Variants in MGAT4C observed in about 807,000 individuals in gnomAD.
MGAT4C encodes MGAT4 family member C, also known as alpha-1,3-mannosyl-glycoprotein 4-beta-N-acetylglucosaminyltransferase C.
Under a neutral mutation model 40.1 loss-of-function variants are expected in MGAT4C, and 19 were observed. The ratio of observed to expected loss-of-function variants is 0.47; its 90% CI spans 0.33 to 0.70. The LOEUF is 0.70. Ranked by LOEUF, MGAT4C falls within the 30% of genes least tolerant of loss-of-function variation. MGAT4C has a pLI of 0.02. For missense variants in MGAT4C, 491 were observed against 563.2 expected, an observed-to-expected ratio of 0.87 and a Z score of 1.30; for synonymous variants, 181 against 187.1, an observed-to-expected ratio of 0.97 and a Z score of 0.27.
At chr12:86,109,036 T>C (rs1353532410) in intron 1 of MGAT4C, among the ~76,000 whole-genome samples, 1 of 152,154 alleles carries the variant, frequency 6.6e-6, no homozygotes, top group Non-Finnish European at 1.5e-5. Context: ...ATTATCTGAC[T>C]CCTGAAGGGA....
intron 2 of MGAT4C, among the ~76,000 whole-genome samples, chr12:86,456,235 G>GTCATCA (rs953809567): frequency 1.3e-5 from 2 of 151,676 alleles, no homozygotes; most frequent in African/African-American, 4.8e-5. Context: ...TAACATCGTC[G>GTCATCA]TCATCATCAT....
chr12:86,204,022 A>G (rs921775472), intron 1 of MGAT4C, among the ~76,000 whole-genome samples: 4 of 150,228 alleles, frequency 2.7e-5, no homozygotes, highest in Non-Finnish European at 4.4e-5. Context: ...AGAGTAAACA[A>G]TGATAAAGAA....
intron 2 of MGAT4C, among the ~76,000 whole-genome samples, chr12:86,506,521 G>A (rs1196379123): frequency 2.6e-5 from 4 of 152,104 alleles, no homozygotes; most frequent in Non-Finnish European, 4.4e-5. Flanking sequence ...ATTTATTTAG[G>A]AAAGAGAAAG....
In MGAT4C at chr12:86,012,196, C is replaced by T. The variant is rs139344015; in HGVS notation, c.-6-22644G>A. ...ATTTGCTTGCTAACGGCATATCCCA[C>T]GATACTTTTTATTTCTGTTACACCC... On this transcript the variant is annotated intron_variant, in intron 2 of 4. Coordinates refer to ENST00000611864, the MANE Select transcript of MGAT4C (RefSeq NM_001351288.2). Among the ~76,000 whole-genome samples, 67 of 152,240 alleles carry T rather than the reference C, an allele frequency of 4.4e-4. 1 individual carries two copies. Among genetic ancestry groups the T allele is most frequent in the African/African-American group, 1.5e-3 (62 of 41,526 alleles).
At chr12:86,487,593 G>A (rs1305664391) in intron 2 of MGAT4C, among the ~76,000 whole-genome samples, 1 of 152,144 alleles carries the variant, frequency 6.6e-6, no homozygotes, top group African/African-American at 2.4e-5. Context: ...TTTGACAAAT[G>A]TCTGAAGATT....
Position 86,028,142 on chromosome 12 carries a change from C to G in MGAT4C, c.-7+21532G>C, listed in dbSNP as rs543297194. 356 of 1,288,560 alleles carry G rather than the reference C, an allele frequency of 2.8e-4. 6 individuals carry two copies. The South Asian group carries it at 3.1e-3, about 11-fold the overall frequency. The allele number at this position is 1,288,560 out of a possible 1,614,324, so 79.8% of individuals were successfully genotyped here. Reference sequence around the variant, plus strand: ...GATCCCTTTGCCACACTCCTCTGCACAGTCTTTCTTACAACAAATCTGACC... The same window carrying G: ...GATCCCTTTGCCACACTCCTCTGCAGAGTCTTTCTTACAACAAATCTGACC... On this transcript the variant is annotated intron_variant, in intron 2 of 4. Transcript: ENST00000611864.
At chr12:86,043,667 A>AAATCCTTC (rs1368043380) in intron 2 of MGAT4C, among the ~76,000 whole-genome samples, 1 of 152,220 alleles carries the variant, frequency 6.6e-6, no homozygotes, top group Non-Finnish European at 1.5e-5. Context: ...TCCTTCAATC[A>AAATCCTTC]AATCAAGTTG....
At chr12:86,616,018 A>C (rs1273420558) in intron 2 of MGAT4C, among the ~76,000 whole-genome samples, 1 of 152,132 alleles carries the variant, frequency 6.6e-6, no homozygotes, top group Non-Finnish European at 1.5e-5. Flanking sequence ...ATGTCTACAA[A>C]ATTCTAGTCA....
intron 1 of MGAT4C, among the ~76,000 whole-genome samples, chr12:86,196,331 C>T (rs1000564507): frequency 1.3e-5 from 2 of 152,226 alleles, no homozygotes; most frequent in African/African-American, 2.4e-5. Flanking sequence ...TGATGCGCTG[C>T]CTTTTGGGTC....
intron 2 of MGAT4C, among the ~76,000 whole-genome samples, chr12:86,517,731 C>T (rs1252734308): frequency 2.0e-5 from 3 of 152,112 alleles, no homozygotes; most frequent in South Asian, 2.1e-4. Flanking sequence ...CTGCAAGTTC[C>T]GCCTCCCGGG....
At chr12:86,172,031 C>T (rs1303023694) in intron 1 of MGAT4C, among the ~76,000 whole-genome samples, 1 of 152,148 alleles carries the variant, frequency 6.6e-6, no homozygotes, top group Admixed American at 6.6e-5. Flanking sequence ...GAGGAGGTTA[C>T]TTACCATAAC....
intron 1 of MGAT4C, among the ~76,000 whole-genome samples, chr12:86,802,036 C>T (rs1025094294): frequency 6.6e-6 from 1 of 151,864 alleles, no homozygotes; most frequent in Non-Finnish European, 1.5e-5. Flanking sequence ...CTATTAGGAA[C>T]TTGTCATGGT....
At chr12:86,464,521 T>C (rs1342303544) in intron 2 of MGAT4C, among the ~76,000 whole-genome samples, 1 of 152,170 alleles carries the variant, frequency 6.6e-6, no homozygotes, top group Admixed American at 6.5e-5. Context: ...CTAATTCACC[T>C]GCACTAAAGT....
At chr12:86,203,635 T>C (rs1950133642) in intron 1 of MGAT4C, among the ~76,000 whole-genome samples, 1 of 152,168 alleles carries the variant, frequency 6.6e-6, no homozygotes, top group Non-Finnish European at 1.5e-5. Flanking sequence ...CTCGTCTGTA[T>C]GTATTTTCCT....
chr12:86,789,091 AC>A (rs1951981412), intron 1 of MGAT4C, among the ~76,000 whole-genome samples: 1 of 152,130 alleles, frequency 6.6e-6, no homozygotes, highest in Non-Finnish European at 1.5e-5. Flanking sequence ...CAGGATACAA[AC>A]AATATCAAGC....
At chr12:86,069,282 C>G (rs1894853391) in intron 1 of MGAT4C, among the ~76,000 whole-genome samples, 1 of 152,028 alleles carries the variant, frequency 6.6e-6, no homozygotes, top group Non-Finnish European at 1.5e-5. Flanking sequence ...GAGGACAGCC[C>G]CACCAACAAA....
intron 4 of MGAT4C, among the ~76,000 whole-genome samples, chr12:86,270,615 A>G (rs920623341): frequency 6.6e-5 from 10 of 152,150 alleles, no homozygotes; most frequent in African/African-American, 2.4e-4. Context: ...TCTAGATTCA[A>G]TGCAATCCCC....
At chr12:86,324,218 C>G (rs140783045) in intron 4 of MGAT4C, among the ~76,000 whole-genome samples, 4 of 151,920 alleles carry the variant, frequency 2.6e-5, no homozygotes, top group African/African-American at 9.6e-5. Flanking sequence ...ATCTATCTTA[C>G]AAATTTAGGC....
chr12:86,213,111 G>T (rs1045966420), intron 1 of MGAT4C, among the ~76,000 whole-genome samples: 1 of 152,054 alleles, frequency 6.6e-6, no homozygotes, highest in African/African-American at 2.4e-5. Context: ...TGGAACATTA[G>T]CTTTGTCTGC....
Sources: gnomAD v4.1 joint callset for allele counts (sites outside exome capture counted in the v4.1 genomes callset) on GRCh38, gnomAD v4.1.1 for gene constraint, MANE v1.5 for transcripts, NCBI Gene and HGNC (gene_info 2026-07-23, HGNC 2026-07-21) for gene names.